Variants in DUSP16 observed in about 807,000 individuals in gnomAD.
The protein encoded by DUSP16 is dual specificity protein phosphatase 16.
A neutral mutation model predicts 58.3 loss-of-function variants in DUSP16; 21 were observed. The ratio of observed to expected loss-of-function variants is 0.36; its 90% CI spans 0.26 to 0.52. The LOEUF (loss-of-function observed/expected upper bound fraction) is 0.52, where lower values mean the gene tolerates loss of function less well. Among genes scored for constraint, DUSP16 ranks in the 20% least tolerant of loss-of-function variants. The pLI is 0.94. For synonymous variants in DUSP16, 320 were observed against 323.8 expected, an observed-to-expected ratio of 0.99 and a Z score of 0.12; for missense variants, 726 against 819.0, an observed-to-expected ratio of 0.89 and a Z score of 1.39.
chr12:12,514,761 C>G (rs1388006989), intron 3 of DUSP16, among the ~76,000 whole-genome samples: 1 of 152,152 alleles, frequency 6.6e-6, no homozygotes, highest in East Asian at 1.9e-4. Flanking sequence ...CTCAAAACTC[C>G]TGGGATCAAG....
intron 1 of DUSP16, among the ~76,000 whole-genome samples, chr12:12,533,769 A>G (rs548121404): frequency 5.3e-5 from 8 of 152,128 alleles, no homozygotes; most frequent in East Asian, 3.9e-4. Context: ...CCTAATTTCA[A>G]CTCATCTACT....
intron 2 of DUSP16, 29 bp downstream of exon 2, chr12:12,520,842 T>G (rs779033007): frequency 4.3e-6 from 7 of 1,610,370 alleles, no homozygotes; most frequent in Non-Finnish European, 5.9e-6. Context: ...GTCCATTTAT[T>G]TTGAAAAGGC....
At chr12:12,478,492 A>C (rs1398287591) in intron 6 of DUSP16, among the ~76,000 whole-genome samples, 2 of 152,112 alleles carry the variant, frequency 1.3e-5, no homozygotes, top group Non-Finnish European at 2.9e-5. Flanking sequence ...ACGCTTGGCT[A>C]ATTTTAATTT....
intron 1 of DUSP16, among the ~76,000 whole-genome samples, chr12:12,527,901 C>T (rs751369155): frequency 6.6e-6 from 1 of 152,200 alleles, no homozygotes; most frequent in Admixed American, 6.5e-5. Context: ...ACATACATCT[C>T]AAGGACCCAC....
In DUSP16 at chr12:12,523,251, A is replaced by G. The variant is rs549390260; in HGVS notation, c.-365-1788T>C. Among the ~76,000 whole-genome samples the G allele has an allele frequency of 1.4e-3, 212 of 152,354 alleles. 1 individual carries two copies. The highest frequency in any genetic ancestry group is 2.6e-3 in the Non-Finnish European group (176 of 68,034). The stretch of plus-strand genomic sequence containing the variant: ...CTCATCTCTTCAAATTTGGTCTGAG[A>G]ACAAAATTATCTAATTTATTGAAAG... On this transcript the variant is annotated intron_variant, in intron 1 of 6. Coordinates refer to ENST00000298573, the MANE Select transcript of DUSP16 (RefSeq NM_030640.3).
intron 4 of DUSP16, among the ~76,000 whole-genome samples, chr12:12,497,102 AC>A (rs1943838366): frequency 6.6e-6 from 1 of 152,184 alleles, no homozygotes; most frequent in Admixed American, 6.5e-5. Context: ...ACAAAAAGAG[AC>A]TGTAAAATAT....
intron 4 of DUSP16, among the ~76,000 whole-genome samples, chr12:12,489,758 CT>C (rs1943737075): frequency 6.6e-6 from 1 of 152,190 alleles, no homozygotes; most frequent in South Asian, 2.1e-4. Flanking sequence ...ATGTACACTT[CT>C]GACAAGTAAA....
chr12:12,510,565 G>A (rs995856756), intron 3 of DUSP16, among the ~76,000 whole-genome samples: 1 of 152,140 alleles, frequency 6.6e-6, no homozygotes, highest in Non-Finnish European at 1.5e-5. Context: ...GGATAACTGC[G>A]TTTCACATAT....
chr12:12,478,536 G>C (rs1235763884), intron 6 of DUSP16, among the ~76,000 whole-genome samples: 1 of 152,108 alleles, frequency 6.6e-6, no homozygotes, highest in Non-Finnish European at 1.5e-5. Flanking sequence ...GGGTCTCACT[G>C]TGTTGCCCAG....
intron 4 of DUSP16, among the ~76,000 whole-genome samples, chr12:12,489,389 A>C (rs890237195): frequency 9.9e-5 from 15 of 152,186 alleles, no homozygotes; most frequent in African/African-American, 3.6e-4. Context: ...GTACTATCTG[A>C]TCAACAACAG....
Position 12,507,874 on chromosome 12 carries a change from G to A in DUSP16, c.368-7192C>T, listed in dbSNP as rs1047258714. 2.0e-5 allele frequency among the ~76,000 whole-genome samples: 3 copies of A among 152,228 alleles called. No homozygotes were observed. In the South Asian group the frequency reaches 6.2e-4, roughly 32 times the overall value. On this transcript the variant is annotated intron_variant, in intron 3 of 6. Coordinates refer to ENST00000298573, the MANE Select transcript of DUSP16 (RefSeq NM_030640.3). ...TCAGCCCGCCTTGGCCTCCCAAAGCGCTGGGATTACAGGCGTGAGCCACCG... is the reference window on the plus strand; with the variant it reads ...TCAGCCCGCCTTGGCCTCCCAAAGCACTGGGATTACAGGCGTGAGCCACCG...
chr12:12,515,808 C>A (rs1004180108), intron 3 of DUSP16, among the ~76,000 whole-genome samples: 2 of 151,960 alleles, frequency 1.3e-5, no homozygotes, highest in South Asian at 4.2e-4. Flanking sequence ...CAGAGTCTCA[C>A]TCTGTTGCCT....
chr12:12,483,998 TA>T (rs570938765), intron 5 of DUSP16, among the ~76,000 whole-genome samples: 351 of 151,544 alleles, frequency 2.3e-3, no homozygotes, highest in East Asian at 6.9e-3. Flanking sequence ...ATTTAAAAAT[TA>T]AAAAAAAATT....
chr12:12,480,450 C>G (rs774865003), intron 5 of DUSP16, 104 bp from the exon 6 acceptor site: 39 of 1,362,602 alleles, frequency 2.9e-5, no homozygotes, highest in Non-Finnish European at 3.7e-5. Flanking sequence ...AAAACCTCTA[C>G]GCAAATCTCA....
chr12:12,557,660 T>G (rs1370146350), intron 1 of DUSP16, among the ~76,000 whole-genome samples: 1 of 152,212 alleles, frequency 6.6e-6, no homozygotes, highest in Admixed American at 6.5e-5. Flanking sequence ...AAGCAAGTGA[T>G]TCACAGAATA....
chr12:12,554,034 C>T (rs1330212372), intron 1 of DUSP16, among the ~76,000 whole-genome samples: 1 of 151,600 alleles, frequency 6.6e-6, no homozygotes, highest in Non-Finnish European at 1.5e-5. Context: ...CACATCTCTA[C>T]TAAAAATACA....
rs1943457538 is a variant in DUSP16 at position 12,477,073 on chromosome 12, C to T, written c.1758G>A (p.Gln586=). 1.9e-6 allele frequency: 3 copies of T among 1,614,256 alleles called. No individual in the cohort carries two copies. The highest frequency in any genetic ancestry group is 2.5e-6 in the Non-Finnish European group (3 of 1,180,054). ...SASYSAYSCS[Q]LPTCGDQVYS... The stretch of plus-strand genomic sequence containing the variant: ...AGACTTGGTCTCCGCAAGTGGGCAG[C>T]TGGCTGCAGCTGTAGGCAGAGTAAC... The change falls in exon 7 of 7, where the codon CAG becomes CAA. Residue 586 remains glutamine, a synonymous_variant. Coordinates refer to ENST00000298573, the MANE Select transcript of DUSP16 (RefSeq NM_030640.3). The surrounding 1 kb of genome is among the most constrained non-coding windows in gnomAD (Gnocchi z 4.1).
At chr12:12,514,071 A>C (rs866362554) in intron 3 of DUSP16, among the ~76,000 whole-genome samples, 55 of 151,900 alleles carry the variant, frequency 3.6e-4, no homozygotes, top group African/African-American at 1.3e-3. Flanking sequence ...TTTTTTTTTG[A>C]AGGATAGTCT....
intron 1 of DUSP16, among the ~76,000 whole-genome samples, chr12:12,534,693 G>C (rs926146959): frequency 1.2e-4 from 19 of 152,168 alleles, no homozygotes; most frequent in Non-Finnish European, 2.6e-4. Context: ...GAACTGCCAA[G>C]TCCCTTGATG....
Sources: gnomAD v4.1 joint callset for allele counts (sites outside exome capture counted in the v4.1 genomes callset) on GRCh38, gnomAD v4.1.1 for gene constraint, Gnocchi (gnomAD v3.1) non-coding constraint, MANE v1.5 for transcripts, NCBI Gene and HGNC (gene_info 2026-07-23, HGNC 2026-07-21) for gene names.